Variants in TMF1 observed in about 807,000 individuals in gnomAD.
TMF1 encodes TATA element modulatory factor.
TMF1 carries 71 observed loss-of-function variants against 126.5 expected under a neutral mutation model. The observed-to-expected ratio is 0.56, with a 90% CI of 0.46 to 0.68. The LOEUF (loss-of-function observed/expected upper bound fraction) is 0.68, where lower values mean the gene tolerates loss of function less well. TMF1 is among the 30% of genes least tolerant of loss of function. The probability of loss-of-function intolerance (pLI) is 0.00; values close to 1 mark genes in which losing one functional copy is unlikely to be tolerated. For missense variants in TMF1, 1,259 were observed against 1,253.2 expected (o/e 1.00, Z -0.07); for synonymous variants, 461 against 430.5 (o/e 1.07, Z -0.88).
chr3:69,044,027 A>C, intron 3 of TMF1, 151 bp from the exon 4 acceptor site: 1 of 516,820 alleles, frequency 1.9e-6, no homozygotes, highest in South Asian at 8.5e-5. Context: ...TTAAGAAAAA[A>C]AAAGGAAATT....
Position 69,020,836 on chromosome 3 carries a change from ATG to A in TMF1, c.*2339_*2340del, listed in dbSNP as rs1245997946. The A allele has an allele frequency of 2.0e-5, 3 of 152,216 alleles. No individual in the cohort carries two copies. Among genetic ancestry groups the A allele is most frequent in the Admixed American group, 6.5e-5 (1 of 15,282 alleles). The allele number at this position is 152,216 out of a possible 1,614,324, so 9.4% of individuals were successfully genotyped here. On this transcript the variant is annotated 3_prime_UTR_variant, in exon 17 of 17. Transcript: ENST00000398559. ...AATTGTTAATACGGATAAAAAAAGA[ATG>A]TTTAATTTTATAAAATTGAAAAGTT...
chr3:69,045,652 C>T (rs890678646), intron 2 of TMF1, among the ~76,000 whole-genome samples: 9 of 151,832 alleles, frequency 5.9e-5, no homozygotes, highest in African/African-American at 1.7e-4. Flanking sequence ...TGGTAGCATA[C>T]GTCTGTAGTC....
At chr3:69,027,385 G>A (rs2091774329) in intron 13 of TMF1, among the ~76,000 whole-genome samples, 4 of 152,244 alleles carry the variant, frequency 2.6e-5, no homozygotes, top group African/African-American at 9.6e-5. Flanking sequence ...ACCAAATGAT[G>A]TGCACTGGTT....
At chr3:69,034,426 T>C (rs1008181997) in intron 9 of TMF1, among the ~76,000 whole-genome samples, 2 of 152,128 alleles carry the variant, frequency 1.3e-5, no homozygotes, top group Admixed American at 6.5e-5. Context: ...TGAGCCAAGA[T>C]TGTGCCACTG....
At chr3:69,043,923 C>A (rs1049888253) in intron 3 of TMF1, 47 bp from the exon 4 acceptor site, 1 of 1,502,000 alleles carries the variant, frequency 6.7e-7, no homozygotes, top group Non-Finnish European at 9.1e-7. Context: ...TCTATATATC[C>A]CAAAGGTATA....
At chr3:69,028,914 T>C (rs1366742110) in intron 11 of TMF1, among the ~76,000 whole-genome samples, 6 of 152,142 alleles carry the variant, frequency 3.9e-5, no homozygotes. Context: ...TTAAAAAATC[T>C]GATTAAAGGT....
At position 69,024,055 on chromosome 3, in the gene TMF1, T is replaced by C. The variant is rs112237586; in HGVS notation, c.3138A>G (p.Arg1046=). The C allele has an allele frequency of 9.5e-4, 1,527 of 1,604,012 alleles. 15 individuals are homozygous for C. In the African/African-American group the frequency reaches 0.018, roughly 19 times the overall value. The change falls in exon 16 of 17, where the codon AGA becomes AGG. Residue 1046 remains arginine, a splice_region_variant and synonymous_variant. Transcript: ENST00000398559. ...TCATCCTTAGGTGAAGAATACTTAC[T>C]CTTAGCTGAGTTCTAAGTTTGGGTA... ...KEIPKLRTQL[R]DLDQRYNTIL... is the part of the protein sequence containing the mutation.
intron 10 of TMF1, among the ~76,000 whole-genome samples, chr3:69,032,213 G>C (rs537594182): frequency 6.6e-6 from 1 of 152,176 alleles, no homozygotes; most frequent in East Asian, 1.9e-4. Flanking sequence ...CAGCCCCAAA[G>C]GTATCTAAGA....
intron 2 of TMF1, among the ~76,000 whole-genome samples, chr3:69,045,711 C>G (rs2091891983): frequency 6.6e-6 from 1 of 151,890 alleles, no homozygotes; most frequent in African/African-American, 2.4e-5. Flanking sequence ...ACCTGGGAGG[C>G]AGACTAGCCT....
In TMF1 at chr3:69,042,884, G is replaced by T; in HGVS notation, c.1607C>A (p.Ala536Asp). 6 of 1,612,660 alleles carry T rather than the reference G, an allele frequency of 3.7e-6. No individual in the cohort carries two copies. In the South Asian group the frequency reaches 6.6e-5, roughly 18 times the overall value. Reference protein sequence around the residue: ...KEIKNIKEELATRLNSSETAD... With the variant: ...KEIKNIKEELDTRLNSSETAD... The stretch of plus-strand genomic sequence containing the variant: ...AGTTTCACTACTATTTAATCTAGTG[G>T]CAAGTTCTTCTTTTATGTTTTTGAT... The change falls in exon 5 of 17, where the codon GCC (alanine) becomes GAC (aspartate). Residue 536 changes from alanine to aspartate, a missense_variant. Transcript: ENST00000398559.
intron 2 of TMF1, among the ~76,000 whole-genome samples, chr3:69,045,659 A>G (rs2091891765): frequency 1.3e-5 from 2 of 152,060 alleles, no homozygotes; most frequent in Admixed American, 1.3e-4. Context: ...ATACGTCTGT[A>G]GTCCCAGCTA....
rs1356611566 is a variant in TMF1, at chr3:69,038,944, C to T, written c.1893G>A (p.Met631Ile). 2 of 1,611,232 alleles carry T rather than the reference C, an allele frequency of 1.2e-6. No individual in the cohort carries two copies. The highest frequency in any genetic ancestry group is 1.1e-5 in the South Asian group (1 of 90,302). ...CAAGATCTTTCTCTTGGCGTTCTAC[C>T]ATGGAATTTAGTTTTTTAATATTTT... is the stretch of plus-strand genomic sequence containing the variant. ...HRENIKKLNS[M>I]VERQEKDLGR... Residue 631 changes from methionine to isoleucine, a missense_variant, in exon 7 of 17, where the codon ATG (methionine) becomes ATA (isoleucine). Physicochemically the swap from Met to Ile is conservative, Grantham distance 10. Transcript: ENST00000398559.
At chr3:69,032,633 T>C (rs2091809380) in intron 10 of TMF1, among the ~76,000 whole-genome samples, 1 of 144,542 alleles carries the variant, frequency 6.9e-6, no homozygotes, top group African/African-American at 2.6e-5. Context: ...TTTTTTGAGA[T>C]GCAGTCTCGC....
chr3:69,042,848 A>G lies in TMF1; in HGVS notation c.1643T>C (p.Leu548Ser), dbSNP rs2091875281. The change falls in exon 5 of 17, where the codon TTG becomes TCG. Residue 548 changes from leucine (L) to serine (S), a missense_variant. Physicochemically the swap from Leu to Ser is moderately radical, Grantham distance 145 (BLOSUM62 -2). Coordinates refer to ENST00000398559, the MANE Select transcript of TMF1 (RefSeq NM_007114.3). ...TCGGATCTGCTCATCTTTCTCTTTC[A>G]AAAGGTCTGCAGTTTCACTACTATT... ...RLNSSETADL[L>S]KEKDEQIRGL... 4 of 1,613,674 alleles carry G rather than the reference A, an allele frequency of 2.5e-6. No individual in the cohort carries two copies. The highest frequency in any genetic ancestry group is 2.2e-5 in the East Asian group (1 of 44,802).
At chr3:69,026,444 A>T (rs1375807929) in intron 13 of TMF1, among the ~76,000 whole-genome samples, 1 of 152,104 alleles carries the variant, frequency 6.6e-6, no homozygotes, top group African/African-American at 2.4e-5. Flanking sequence ...TAAAAATACA[A>T]AATTAGCTGG....
At chr3:69,036,574 A>C (rs1243791325) in intron 8 of TMF1, among the ~76,000 whole-genome samples, 2 of 152,236 alleles carry the variant, frequency 1.3e-5, no homozygotes, top group African/African-American at 2.4e-5. Context: ...TGAAAAGATA[A>C]GCCAAACTCT....
chr3:69,050,424 A>C (rs1409084561), intron 1 of TMF1, among the ~76,000 whole-genome samples: 1 of 152,150 alleles, frequency 6.6e-6, no homozygotes, highest in African/African-American at 2.4e-5. Flanking sequence ...TTAAATATGC[A>C]AATGAACAAC....
At chr3:69,039,469 T>A in intron 6 of TMF1, 82 bp downstream of exon 6, 1 of 1,443,474 alleles carries the variant, frequency 6.9e-7, no homozygotes. Context: ...TTAAATCTTT[T>A]CAAATGCTCC....
At chr3:69,044,744 G>C in intron 2 of TMF1, 149 bp from the exon 3 acceptor site, 2 of 511,410 alleles carry the variant, frequency 3.9e-6, no homozygotes, top group Non-Finnish European at 6.9e-6. Flanking sequence ...TCCAGAACAA[G>C]AAGAACTCTT....
Sources: allele counts gnomAD v4.1 joint callset (sites outside exome capture counted in the v4.1 genomes callset), GRCh38; gene constraint gnomAD v4.1.1; transcripts MANE v1.5; gene names NCBI Gene and HGNC (gene_info 2026-07-23, HGNC 2026-07-21).